DMXL2: variants seen among roughly 807,000 people sequenced by gnomAD.
DMXL2 encodes the protein dmX-like protein 2.
DMXL2 carries 103 observed loss-of-function variants against 331.1 expected under a neutral mutation model. The observed-to-expected ratio is 0.31, with a 90% CI of 0.27 to 0.37. The LOEUF is 0.37. Ranked by LOEUF, DMXL2 falls within the 10% of genes least tolerant of loss-of-function variation. DMXL2 has a pLI of 1.00. For synonymous variants in DMXL2, 1,281 were observed against 1,252.1 expected (o/e 1.02, Z -0.49); for missense variants, 3,171 against 3,642.9 (o/e 0.87, Z 3.33).
intron 2 of DMXL2, among the ~76,000 whole-genome samples, chr15:51,572,219 C>A (rs2050718071): frequency 7.3e-6 from 1 of 136,526 alleles, no homozygotes; most frequent in African/African-American, 2.6e-5. Flanking sequence ...CATACACCCT[C>A]CCAATACTAA....
chr15:51,487,658 A>G (rs1468006955), intron 22 of DMXL2, among the ~76,000 whole-genome samples: 1 of 152,066 alleles, frequency 6.6e-6, no homozygotes, highest in African/African-American at 2.4e-5. Flanking sequence ...GAGTTTTGCT[A>G]TGTTGGCCAG....
chr15:51,534,430 C>T (rs756756022), intron 13 of DMXL2, among the ~76,000 whole-genome samples: 2 of 152,158 alleles, frequency 1.3e-5, no homozygotes, highest in African/African-American at 4.8e-5. Flanking sequence ...AGAACTAGCA[C>T]TAGCAAGTAG....
chr15:51,551,105 T>C (rs979196197), intron 6 of DMXL2, among the ~76,000 whole-genome samples: 2 of 151,516 alleles, frequency 1.3e-5, no homozygotes, highest in Non-Finnish European at 2.9e-5. Flanking sequence ...GCAGAACAGA[T>C]TGTACCAAAA....
At chr15:51,589,639 T>C (rs993739895) in intron 1 of DMXL2, among the ~76,000 whole-genome samples, 3 of 152,196 alleles carry the variant, frequency 2.0e-5, no homozygotes, top group Admixed American at 6.5e-5. Flanking sequence ...TGTGATTGCT[T>C]GGAACCCAGA....
intron 31 of DMXL2, 60 bp downstream of exon 31, chr15:51,465,506 G>T: frequency 8.0e-7 from 1 of 1,243,946 alleles, no homozygotes; most frequent in Non-Finnish European, 1.2e-6. Flanking sequence ...ATTTTGTAAA[G>T]AGAAACTTGA....
At chr15:51,600,558 G>A (rs1007877526) in intron 1 of DMXL2, among the ~76,000 whole-genome samples, 4 of 152,198 alleles carry the variant, frequency 2.6e-5, no homozygotes, top group Non-Finnish European at 5.9e-5. Flanking sequence ...CTTGCAAGGT[G>A]TGCTACTTTC....
rs185266046 is a variant in DMXL2 at position 51,465,518 on chromosome 15, G to A, written c.7606+48C>T. 111 of 1,341,808 alleles carry A rather than the reference G, an allele frequency of 8.3e-5. No individual in the cohort carries two copies. In the African/African-American group the frequency reaches 1.1e-3, roughly 14 times the overall value. 83.1% of individuals were successfully genotyped at this position (1,341,808 alleles called of 1,614,324 possible). A position where few individuals can be genotyped will look rare whatever the true frequency, so the allele number is the denominator to read the frequency against. ...TAGATTTTGTAAAGAGAAACTTGACGGCAATTTATTATACTTAATAACATT... is the reference window on the plus strand; with the variant it reads ...TAGATTTTGTAAAGAGAAACTTGACAGCAATTTATTATACTTAATAACATT... On this transcript the variant is annotated intron_variant, in intron 31 of 43. Transcript: ENST00000560891.
chr15:51,511,119 G>C (rs898816606), intron 15 of DMXL2, among the ~76,000 whole-genome samples: 1 of 152,126 alleles, frequency 6.6e-6, no homozygotes, highest in African/African-American at 2.4e-5. Context: ...ATACCATTCA[G>C]GACGCAGGCA....
rs773946731 is a variant in DMXL2 at position 51,450,374 on chromosome 15, C to A, written c.8750-28G>T. 5.6e-6 allele frequency: 9 copies of A among 1,606,776 alleles called. No individual in the cohort carries two copies. The African/African-American group carries it at 1.1e-4, about 19-fold the overall frequency. On this transcript the variant is annotated intron_variant, in intron 42 of 43. Coordinates refer to ENST00000560891, the MANE Select transcript of DMXL2 (RefSeq NM_001378457.1). ...GAAGAAGAAAAACATCAGAGAATTT[C>A]TCAAAACAATTTCTTGTCTTGGTAA... is the stretch of plus-strand genomic sequence containing the variant.
intron 37 of DMXL2, 149 bp downstream of exon 37, chr15:51,457,176 TAAA>T (rs908901241): frequency 3.7e-5 from 32 of 874,498 alleles, no homozygotes; most frequent in East Asian, 1.4e-4. Flanking sequence ...TGTCACCAAA[TAAA>T]AAAGCCACAA....
chr15:51,486,485 G>T, intron 22 of DMXL2, 148 bp from the exon 23 acceptor site: 2 of 624,468 alleles, frequency 3.2e-6, no homozygotes, highest in Non-Finnish European at 5.3e-6. Flanking sequence ...ATTGATAGGA[G>T]ATTAAAGAAT....
chr15:51,475,121 G>A (rs2041458512), intron 27 of DMXL2, among the ~76,000 whole-genome samples: 1 of 152,176 alleles, frequency 6.6e-6, no homozygotes, highest in Non-Finnish European at 1.5e-5. Context: ...TATGCCTCTT[G>A]ATATCTCCTA....
At chr15:51,474,656 C>T (rs2041415269) in intron 27 of DMXL2, 64 bp from the exon 28 acceptor site, 11 of 1,486,882 alleles carry the variant, frequency 7.4e-6, no homozygotes, top group Non-Finnish European at 9.9e-6. Context: ...AAAAAACATC[C>T]AAATTTGCAA....
chr15:51,588,003 T>G (rs1481721538), intron 1 of DMXL2, among the ~76,000 whole-genome samples: 9 of 152,186 alleles, frequency 5.9e-5, no homozygotes, highest in Admixed American at 5.9e-4. Flanking sequence ...TTTGCCCACT[T>G]TTTGATGGGG....
At chr15:51,451,154 G>A (rs2039099556) in intron 42 of DMXL2, among the ~76,000 whole-genome samples, 1 of 152,192 alleles carries the variant, frequency 6.6e-6, no homozygotes, top group Admixed American at 6.5e-5. Flanking sequence ...AGGGCCAGGT[G>A]TGGTGGCTCA....
At position 51,495,045 on chromosome 15, in the gene DMXL2, G is replaced by T; in HGVS notation, c.4762C>A (p.Arg1588=). The change falls in exon 19 of 44, where the codon CGA becomes AGA. Residue 1588 remains arginine, a synonymous_variant. Coordinates refer to ENST00000560891, the MANE Select transcript of DMXL2 (RefSeq NM_001378457.1). ...CLLTSLPPLY[R]VQLLHQGVST... Reference sequence around the variant, plus strand: ...TTACCTTGATGAAGTAGCTGCACTCGGTATAAAGGAGGCAGCGATGTCAAA... The same window carrying T: ...TTACCTTGATGAAGTAGCTGCACTCTGTATAAAGGAGGCAGCGATGTCAAA... The T allele has an allele frequency of 6.2e-7, 1 of 1,612,292 alleles. No individual in the cohort carries two copies.
rs182806251 is a variant in DMXL2 at position 51,575,401 on chromosome 15, A to G, written c.213+655T>C. On this transcript the variant is annotated intron_variant, in intron 2 of 43. Transcript: ENST00000560891. Reference sequence around the variant, plus strand: ...TACTCTATTCTCGTAGAGACATTCAACTCGGCTACATAATACTGGCCTTAC... The same window carrying G: ...TACTCTATTCTCGTAGAGACATTCAGCTCGGCTACATAATACTGGCCTTAC... 4.8e-4 allele frequency among the ~76,000 whole-genome samples: 73 copies of G among 152,256 alleles called. 1 individual carries two copies. Among genetic ancestry groups the G allele is most frequent in the African/African-American group, 1.7e-3 (71 of 41,566 alleles).
chr15:51,468,686 TATC>T (rs1166939152), intron 29 of DMXL2, among the ~76,000 whole-genome samples: 2 of 152,210 alleles, frequency 1.3e-5, no homozygotes, highest in Non-Finnish European at 1.5e-5. Flanking sequence ...AGGATTATAT[TATC>T]ATAATTTAAA....
At chr15:51,478,114 A>G (rs2041730649) in intron 26 of DMXL2, among the ~76,000 whole-genome samples, 157 bp downstream of exon 26, 1 of 152,130 alleles carries the variant, frequency 6.6e-6, no homozygotes, top group African/African-American at 2.4e-5. Flanking sequence ...AACTAAACAA[A>G]TAATTATTTT....
Sources: gnomAD v4.1 joint callset for allele counts (sites outside exome capture counted in the v4.1 genomes callset) on GRCh38, gnomAD v4.1.1 for gene constraint, MANE v1.5 for transcripts, NCBI Gene and HGNC (gene_info 2026-07-23, HGNC 2026-07-21) for gene names.